The following EFCAB3 variants were observed in gnomAD, a reference collection of about 807,000 sequenced individuals.
The protein encoded by EFCAB3 is EF-hand calcium-binding domain-containing protein 3.
Under a neutral mutation model 42.2 loss-of-function variants are expected in EFCAB3, and 36 were observed. The ratio of observed to expected loss-of-function variants is 0.85; its 90% CI spans 0.65 to 1.13. The LOEUF (loss-of-function observed/expected upper bound fraction) is 1.13. Ranked by LOEUF, EFCAB3 falls within the 50% of genes most tolerant of loss-of-function variation. The pLI, the probability that EFCAB3 is intolerant of heterozygous loss-of-function variation, is 0.00. For synonymous variants in EFCAB3, 170 were observed against 172.8 expected, an observed-to-expected ratio of 0.98 and a Z score of 0.13; for missense variants, 418 against 505.1, an observed-to-expected ratio of 0.83 and a Z score of 1.65.
upstream of EFCAB3, among the ~76,000 whole-genome samples, chr17:62,378,245 T>C (rs2070166082): frequency 6.6e-6 from 1 of 152,242 alleles, no homozygotes. Context: ...TCAGGTATTT[T>C]ATATTCTTTT....
rs1255361124 is a variant in EFCAB3, at chr17:62,416,455, C to T, written c.*126C>T. The T allele has an allele frequency of 4.0e-5, 32 of 808,898 alleles. No homozygotes were observed. The highest frequency in any genetic ancestry group is 5.9e-5 in the Non-Finnish European group (32 of 542,412). 50.1% of individuals were successfully genotyped at this position (808,898 alleles called of 1,614,324 possible). A position where few individuals can be genotyped will look rare whatever the true frequency, so the allele number is the denominator to read the frequency against. ...AATTTTGACATCTTTTGGATTCTGA[C>T]CAGTAAAAAAGTTTAAGTCATAAAA... On this transcript the variant is annotated 3_prime_UTR_variant, in exon 10 of 10. Transcript: ENST00000305286.
At chr17:62,405,777 C>G (rs905813454) in intron 6 of EFCAB3, among the ~76,000 whole-genome samples, 2 of 152,096 alleles carry the variant, frequency 1.3e-5, no homozygotes, top group Non-Finnish European at 2.9e-5. Flanking sequence ...CCTAAAACAC[C>G]CAGTAACACA....
intron 2 of EFCAB3, 106 bp from the exon 3 acceptor site, chr17:62,387,234 A>ATT: frequency 1.3e-6 from 1 of 765,830 alleles, no homozygotes; most frequent in Non-Finnish European, 2.1e-6. Flanking sequence ...GACTGGATAC[A>ATT]TTGAGATGCT....
At chr17:62,371,277 G>A (rs112996274) in intron 1 of EFCAB3, among the ~76,000 whole-genome samples, 9,398 of 151,968 alleles carry the variant, frequency 0.062, 936 homozygotes, top group African/African-American at 0.21. Flanking sequence ...CTGACTTGCC[G>A]GGCGCGGTGG....
intron 6 of EFCAB3, among the ~76,000 whole-genome samples, chr17:62,401,253 G>T (rs1014661748): frequency 6.6e-6 from 1 of 152,060 alleles, no homozygotes; most frequent in Non-Finnish European, 1.5e-5. Context: ...GTTCACTCTG[G>T]TGGTAGTTTC....
At chr17:62,396,692 A>G (rs371509785) in intron 6 of EFCAB3, among the ~76,000 whole-genome samples, 3 of 152,138 alleles carry the variant, frequency 2.0e-5, no homozygotes, top group African/African-American at 7.2e-5. Flanking sequence ...CAGAAGCTCC[A>G]TACCAGCTGG....
intron 4 of EFCAB3, 143 bp downstream of exon 4, chr17:62,392,108 ATT>A (rs2070308276): frequency 4.5e-6 from 2 of 443,042 alleles, no homozygotes; most frequent in African/African-American, 2.1e-5. Context: ...GTATATATAT[ATT>A]TGTATATGTT....
In EFCAB3 at chr17:62,381,367, AT is replaced by A. The variant is rs566844673; in HGVS notation, c.-18+755del. On this transcript the variant is annotated intron_variant, in intron 1 of 9. Coordinates refer to ENST00000305286, the MANE Select transcript of EFCAB3 (RefSeq NM_173503.4). ...GGCTGCATAGTATTCCATGGTGTAT[AT>A]GTGCCACATTTTCTTAATCCAGTCT... 1.8e-4 allele frequency among the ~76,000 whole-genome samples: 27 copies of A among 151,984 alleles called. No homozygotes were observed. The East Asian group carries it at 4.5e-3, about 25-fold the overall frequency.
Position 62,407,118 on chromosome 17 carries a change from T to C in EFCAB3, c.773T>C (p.Phe258Ser), listed in dbSNP as rs1567728015. 3 of 1,613,370 alleles carry C rather than the reference T, an allele frequency of 1.9e-6. No homozygotes were observed. The Admixed American group carries it at 5.0e-5, about 27-fold the overall frequency. The change falls in exon 8 of 10, where the codon TTC (phenylalanine) becomes TCC (serine). Residue 258 changes from phenylalanine (F) to serine (S), a missense_variant. Physicochemically the swap from Phe to Ser is radical, Grantham distance 155. Coordinates refer to ENST00000305286, the MANE Select transcript of EFCAB3 (RefSeq NM_173503.4). Reference protein sequence around the residue: ...NVDGVVMGKPFKDMQKLEMLR... With the variant: ...NVDGVVMGKPSKDMQKLEMLR... Reference sequence around the variant, plus strand: ...GATGGGGTGGTGATGGGAAAGCCATTCAAAGACATGCAGAAATTAGAGATG... The same window carrying C: ...GATGGGGTGGTGATGGGAAAGCCATCCAAAGACATGCAGAAATTAGAGATG...
chr17:62,398,055 T>A (rs117143285), intron 6 of EFCAB3: 2,959 of 290,266 alleles, frequency 0.01, 21 homozygotes, highest in Non-Finnish European at 0.015. Flanking sequence ...AAGGTGATAT[T>A]CCTGGAGTCT....
In EFCAB3 at chr17:62,416,078, A is replaced by G; in HGVS notation, c.1066A>G (p.Lys356Glu). 6.2e-7 allele frequency: 1 copy of G among 1,614,006 alleles called. No homozygotes were observed. Reference protein sequence around the residue: ...HRKEMLNLWQKIRGDLIGMDS... With the variant: ...HRKEMLNLWQEIRGDLIGMDS... ...AAAAGAGATGCTAAACCTCTGGCAG[A>G]AGATCCGAGGGGATTTGATTGGGAT... is the stretch of plus-strand genomic sequence containing the variant. The change falls in exon 10 of 10, where the codon AAG becomes GAG. Residue 356 changes from lysine (K) to glutamate (E), a missense_variant. By Grantham distance (56) the Lys-to-Glu change is moderately conservative. Transcript: ENST00000305286.
chr17:62,388,864 T>G (rs568983766), intron 3 of EFCAB3, among the ~76,000 whole-genome samples: 2 of 152,324 alleles, frequency 1.3e-5, no homozygotes, highest in African/African-American at 4.8e-5. Flanking sequence ...AATAACAGCT[T>G]ATGGTTTTAT....
chr17:62,375,771 C>T (rs992539057), upstream of EFCAB3, among the ~76,000 whole-genome samples: 1 of 152,170 alleles, frequency 6.6e-6, no homozygotes, highest in Non-Finnish European at 1.5e-5. Context: ...ATTTATAAAG[C>T]CAGGAAGGCA....
At chr17:62,401,218 T>C (rs2070400516) in intron 6 of EFCAB3, among the ~76,000 whole-genome samples, 1 of 152,216 alleles carries the variant, frequency 6.6e-6, no homozygotes. Context: ...ATTGCAAAAA[T>C]TTTCTCCCAT....
Position 62,392,248 on chromosome 17 carries a change from CCA to C in EFCAB3, c.295+296_295+297del, listed in dbSNP as rs552830249. Among the ~76,000 whole-genome samples the C allele has an allele frequency of 3.9e-4, 59 of 149,636 alleles. 1 individual carries two copies. The highest frequency in any genetic ancestry group is 1.3e-3 in the African/African-American group (53 of 40,816). On this transcript the variant is annotated intron_variant, in intron 4 of 9. Transcript: ENST00000305286. ...ATATATCCATATATCTATGTATACA[CCA>C]CACACACACACATATATATATAGCC...
Position 62,391,834 on chromosome 17 carries a change from C to A in EFCAB3, c.164C>A (p.Ala55Asp). The change falls in exon 4 of 10, where the codon GCC becomes GAC. Residue 55 changes from alanine (A) to aspartate (D), a missense_variant. Coordinates refer to ENST00000305286, the MANE Select transcript of EFCAB3 (RefSeq NM_173503.4). Reference protein sequence around the residue: ...SASQMAAFQDAYNFFYKDKTG... With the variant: ...SASQMAAFQDDYNFFYKDKTG... ...CCTATCTCCCCAGCTTTCCAAGATG[C>A]CTACAACTTCTTCTACAAGGACAAA... 1 of 1,613,400 alleles carries A rather than the reference C, an allele frequency of 6.2e-7. No individual in the cohort carries two copies. Among genetic ancestry groups the A allele is most frequent in the South Asian group, 1.1e-5 (1 of 90,988 alleles).
At chr17:62,385,969 C>T (rs2070246981) in intron 2 of EFCAB3, among the ~76,000 whole-genome samples, 1 of 151,556 alleles carries the variant, frequency 6.6e-6, no homozygotes, top group African/African-American at 2.4e-5. Flanking sequence ...CCTCGTGATC[C>T]ACCCGCCTTG....
chr17:62,388,947 T>C (rs2070279371), intron 3 of EFCAB3, among the ~76,000 whole-genome samples: 1 of 152,190 alleles, frequency 6.6e-6, no homozygotes, highest in South Asian at 2.1e-4. Flanking sequence ...TAGTCAGATA[T>C]GGTGAGACAG....
chr17:62,414,266 A>C (rs1194287553), intron 9 of EFCAB3, among the ~76,000 whole-genome samples: 2 of 152,230 alleles, frequency 1.3e-5, no homozygotes, highest in Non-Finnish European at 2.9e-5. Flanking sequence ...TGAGAAGATC[A>C]ATAGTTTGAT....
Sources: gnomAD v4.1 joint callset for allele counts (sites outside exome capture counted in the v4.1 genomes callset) on GRCh38, gnomAD v4.1.1 for gene constraint, MANE v1.5 for transcripts, NCBI Gene and HGNC (gene_info 2026-07-23, HGNC 2026-07-21) for gene names.